The following ANKRD29 variants were observed in gnomAD, a reference collection of about 807,000 sequenced individuals.
The protein encoded by ANKRD29 is ankyrin repeat domain 29, also known as ankyrin repeat domain-containing protein 29.
ANKRD29 carries 32 observed loss-of-function variants against 38.0 expected under a neutral mutation model. The ratio of observed to expected loss-of-function variants is 0.84; its 90% CI spans 0.64 to 1.13. ANKRD29 has a LOEUF of 1.13. Ranked by LOEUF, ANKRD29 falls within the 50% of genes most tolerant of loss-of-function variation. ANKRD29 has a pLI of 0.00. For missense variants in ANKRD29, 357 were observed against 377.9 expected, an observed-to-expected ratio of 0.94 and a Z score of 0.46; for synonymous variants, 135 against 152.4, an observed-to-expected ratio of 0.89 and a Z score of 0.84.
At chr18:23,618,524 G>C (rs1354016028) in intron 7 of ANKRD29, 2 of 152,212 alleles carry the variant, frequency 1.3e-5, no homozygotes, top group African/African-American at 4.8e-5. Flanking sequence ...AAGTTACAGT[G>C]AGCTGAGACC....
At chr18:23,644,291 T>G (rs1436959917) in intron 3 of ANKRD29, among the ~76,000 whole-genome samples, 1 of 152,250 alleles carries the variant, frequency 6.6e-6, no homozygotes, top group Non-Finnish European at 1.5e-5. Flanking sequence ...CAATTTGTCC[T>G]TCAGGATAAA....
chr18:23,616,125 T>C (rs1156687620), intron 8 of ANKRD29, among the ~76,000 whole-genome samples: 2 of 97,114 alleles, frequency 2.1e-5, no homozygotes, highest in African/African-American at 8.2e-5. Context: ...ACACATACCG[T>C]ATGTATGTAT....
intron 9 of ANKRD29, among the ~76,000 whole-genome samples, chr18:23,610,965 C>T (rs1013732065): frequency 6.6e-6 from 1 of 152,242 alleles, no homozygotes; most frequent in Non-Finnish European, 1.5e-5. Flanking sequence ...CAGGAGTGGG[C>T]CTTTGCGCCT....
At chr18:23,641,342 C>A (rs990995691) in intron 3 of ANKRD29, among the ~76,000 whole-genome samples, 2 of 152,246 alleles carry the variant, frequency 1.3e-5, no homozygotes, top group Non-Finnish European at 2.9e-5. Context: ...CCATTACCCC[C>A]ACAGGCTTGG....
At chr18:23,650,486 A>G (rs752335423) in intron 1 of ANKRD29, among the ~76,000 whole-genome samples, 1 of 152,172 alleles carries the variant, frequency 6.6e-6, no homozygotes, top group Non-Finnish European at 1.5e-5. Context: ...TTGGAGCCAT[A>G]CCTATGGAAA....
At chr18:23,629,050 T>A (rs2059896742) in intron 6 of ANKRD29, among the ~76,000 whole-genome samples, 1 of 152,268 alleles carries the variant, frequency 6.6e-6, no homozygotes, top group Non-Finnish European at 1.5e-5. Flanking sequence ...AGAGGCGCGA[T>A]CTCGGCTCAT....
chr18:23,608,886 CT>C (rs1321984579), intron 9 of ANKRD29, among the ~76,000 whole-genome samples: 2 of 152,194 alleles, frequency 1.3e-5, no homozygotes, highest in Non-Finnish European at 2.9e-5. Flanking sequence ...AATCCCAGCA[CT>C]TTGGGAAACC....
chr18:23,612,347 G>A (rs546984091), intron 8 of ANKRD29, among the ~76,000 whole-genome samples, 157 bp from the exon 9 acceptor site: 1 of 152,302 alleles, frequency 6.6e-6, no homozygotes, highest in East Asian at 1.9e-4. Flanking sequence ...TCAGCCCCTA[G>A]TATAGTGTCC....
chr18:23,608,661 C>A (rs1439304809), intron 9 of ANKRD29, among the ~76,000 whole-genome samples: 3 of 152,172 alleles, frequency 2.0e-5, no homozygotes, highest in Admixed American at 2.0e-4. Flanking sequence ...TTGCTTCTAA[C>A]CTTTAAGCTG....
chr18:23,646,161 T>G (rs1397350362), intron 3 of ANKRD29, 28 bp downstream of exon 3: 1 of 1,608,684 alleles, frequency 6.2e-7, no homozygotes, highest in Non-Finnish European at 8.5e-7. Context: ...GCCTGGTCAT[T>G]TTTCTTCAAG....
chr18:23,656,213 G>A (rs1485697368), intron 1 of ANKRD29, among the ~76,000 whole-genome samples: 2 of 151,930 alleles, frequency 1.3e-5, no homozygotes, highest in Non-Finnish European at 2.9e-5. Flanking sequence ...CCAGTGAGAA[G>A]TCACTGATAA....
At chr18:23,645,435 C>A (rs1198178750) in intron 3 of ANKRD29, among the ~76,000 whole-genome samples, 1 of 152,090 alleles carries the variant, frequency 6.6e-6, no homozygotes, top group African/African-American at 2.4e-5. Flanking sequence ...ATTAGCTGGG[C>A]GTGGTGGCAC....
chr18:23,654,801 A>C (rs1324999167), intron 1 of ANKRD29, among the ~76,000 whole-genome samples: 2 of 152,008 alleles, frequency 1.3e-5, no homozygotes, highest in African/African-American at 2.4e-5. Flanking sequence ...TCATCTGTAC[A>C]CTTCCAGAAA....
rs557717311 is a variant in ANKRD29, at chr18:23,627,287, T to G, written c.528+2566A>C. On this transcript the variant is annotated intron_variant, in intron 6 of 9. Transcript: ENST00000592179. Reference sequence around the variant, plus strand: ...CTTTTTTCCCCAAAGCAATTCTTATTTTATAAGACACCCTTTTCCTGAATA... The same window carrying G: ...CTTTTTTCCCCAAAGCAATTCTTATGTTATAAGACACCCTTTTCCTGAATA... Among the ~76,000 whole-genome samples, 53 of 152,332 alleles carry G rather than the reference T, an allele frequency of 3.5e-4. 1 individual carries two copies. The South Asian group carries it at 0.01, about 29-fold the overall frequency.
intron 3 of ANKRD29, 34 bp downstream of exon 3, chr18:23,646,155 G>A (rs936269629): frequency 6.3e-7 from 1 of 1,593,932 alleles, no homozygotes; most frequent in African/African-American, 1.3e-5. Context: ...CTCTGAGCCT[G>A]GTCATTTTTC....
At chr18:23,647,347 G>A (rs2060152559) in intron 2 of ANKRD29, 1 of 152,204 alleles carries the variant, frequency 6.6e-6, no homozygotes, top group Non-Finnish European at 1.5e-5. Context: ...TTCAGTAAGT[G>A]TTAGATATTA....
chr18:23,652,236 G>A (rs2060218890), intron 1 of ANKRD29, among the ~76,000 whole-genome samples: 1 of 152,146 alleles, frequency 6.6e-6, no homozygotes, highest in Non-Finnish European at 1.5e-5. Flanking sequence ...TGGACCACGT[G>A]GCGTATCTTC....
In ANKRD29 at chr18:23,617,826, T is replaced by A; in HGVS notation, c.629A>T (p.Asp210Val). The change falls in exon 8 of 10, where the codon GAT (aspartate) becomes GTT (valine). Residue 210 changes from aspartate (D) to valine (V), a missense_variant and splice_region_variant. Asp to Val is a radical substitution (Grantham distance 152). Transcript: ENST00000592179. ...RGADRDAARN[D>V]GTTALLKAAN... ...TGCTTTCAATAATGCTGTTGTGCCA[T>A]CCTTAACAGAAAGAGGAAAATAAAA... 1 of 1,613,360 alleles carries A rather than the reference T, an allele frequency of 6.2e-7. No individual in the cohort carries two copies.
At chr18:23,655,995 A>T (rs1473006364) in intron 1 of ANKRD29, among the ~76,000 whole-genome samples, 1 of 148,088 alleles carries the variant, frequency 6.8e-6, no homozygotes, top group Non-Finnish European at 1.5e-5. Flanking sequence ...CGGGAGGCTG[A>T]GGCAGGAGAA....
Sources: gnomAD v4.1 joint callset for allele counts (sites outside exome capture counted in the v4.1 genomes callset) on GRCh38, gnomAD v4.1.1 for gene constraint, MANE v1.5 for transcripts, NCBI Gene and HGNC (gene_info 2026-07-23, HGNC 2026-07-21) for gene names.